Variants in KIR2DL1 observed in about 807,000 individuals in gnomAD.
The protein encoded by KIR2DL1 is killer cell immunoglobulin-like receptor 2DL1.
KIR2DL1 carries 38 observed loss-of-function variants against 33.9 expected under a neutral mutation model. The observed-to-expected ratio is 1.12, with a 90% CI of 0.86 to 1.47. The LOEUF is 1.47. Ranked by LOEUF, KIR2DL1 falls within the 40% of genes most tolerant of loss-of-function variation. The probability of loss-of-function intolerance (pLI) is 0.00; values close to 1 mark genes in which losing one functional copy is unlikely to be tolerated. For synonymous variants in KIR2DL1, 179 were observed against 165.9 expected, an observed-to-expected ratio of 1.08 and a Z score of -0.61; for missense variants, 531 against 433.9, an observed-to-expected ratio of 1.22 and a Z score of -1.99.
intron 4 of KIR2DL1, among the ~76,000 whole-genome samples, chr19:54,776,457 T>C (rs1294862687): frequency 1.4e-5 from 2 of 146,316 alleles, no homozygotes; most frequent in Non-Finnish European, 3.0e-5. Flanking sequence ...TGTGCGTATG[T>C]ACTACATTCT....
intron 1 of KIR2DL1, among the ~76,000 whole-genome samples, chr19:54,770,598 G>A (rs1255084530): frequency 7.1e-6 from 1 of 141,548 alleles, no homozygotes; most frequent in Non-Finnish European, 1.6e-5. Context: ...ATGGGCTTAG[G>A]GTGGAAATAT....
In KIR2DL1 at chr19:54,783,998, C is replaced by T. The variant is rs1301725914; in HGVS notation, c.*185C>T. On this transcript the variant is annotated 3_prime_UTR_variant, in exon 8 of 8. Coordinates refer to ENST00000336077, the MANE Select transcript of KIR2DL1 (RefSeq NM_014218.3). ...CTCTTGCTTACAAATGTCTAAGGTC[C>T]CCACTGCCTGCTGGAGAAAAAACAC... is the stretch of plus-strand genomic sequence containing the variant. 4 of 957,688 alleles carry T rather than the reference C, an allele frequency of 4.2e-6. No homozygotes were observed. Among genetic ancestry groups the T allele is most frequent in the African/African-American group, 1.6e-5 (1 of 61,772 alleles). 59.3% of individuals were successfully genotyped at this position (957,688 alleles called of 1,614,324 possible).
intron 2 of KIR2DL1, among the ~76,000 whole-genome samples, chr19:54,772,485 A>G (rs2075852497): frequency 6.9e-6 from 1 of 145,700 alleles, no homozygotes; most frequent in African/African-American, 2.5e-5. Flanking sequence ...GCTTCTGATA[A>G]TTTTCTACAG....
intron 5 of KIR2DL1, among the ~76,000 whole-genome samples, chr19:54,780,722 C>G (rs2076843883): frequency 2.1e-5 from 3 of 140,646 alleles, no homozygotes; most frequent in Non-Finnish European, 4.8e-5. Context: ...GAGGTAGAAT[C>G]ATTGACTGGA....
rs1307213707 is a variant in KIR2DL1 at position 54,783,029 on chromosome 19, T to G, written c.817+6T>G. ...CTGGTGCTCCAACAAAAAAAGTAAG[T>G]CTCACGAAGCAGAGGCCAGAGAGCT... On this transcript the variant is annotated splice_donor_region_variant and intron_variant, in intron 6 of 7. Coordinates refer to ENST00000336077, the MANE Select transcript of KIR2DL1 (RefSeq NM_014218.3). The G allele has an allele frequency of 3.1e-6, 5 of 1,612,572 alleles. No homozygotes were observed. The highest frequency in any genetic ancestry group is 1.3e-5 in the African/African-American group (1 of 74,812).
At position 54,779,409 on chromosome 19, in the gene KIR2DL1, C is replaced by G. The variant is rs2076716494; in HGVS notation, c.715+747C>G. ...TCTAAAGGCTCCCAGTTCCTTGGCT[C>G]CTGGTCCCCTTCCTCCTTCCTCAAA... On this transcript the variant is annotated intron_variant, in intron 5 of 7. Coordinates refer to ENST00000336077, the MANE Select transcript of KIR2DL1 (RefSeq NM_014218.3). Among the ~76,000 whole-genome samples, 3 of 147,606 alleles carry G rather than the reference C, an allele frequency of 2.0e-5. 1 individual carries two copies. The highest frequency in any genetic ancestry group is 4.5e-5 in the Non-Finnish European group (3 of 65,942).
chr19:54,776,261 T>C (rs1204068132), intron 4 of KIR2DL1, among the ~76,000 whole-genome samples: 1 of 147,416 alleles, frequency 6.8e-6, no homozygotes, highest in African/African-American at 2.5e-5. Context: ...ATATACATTT[T>C]TTTTACCCTC....
chr19:54,783,532 T>G lies in KIR2DL1; in HGVS notation c.864T>G (p.Asn288Lys). 1 of 1,613,430 alleles carries G rather than the reference T, an allele frequency of 6.2e-7. No homozygotes were observed. Among genetic ancestry groups the G allele is most frequent in the Non-Finnish European group, 8.5e-7 (1 of 1,179,732 alleles). The change falls in exon 7 of 8, where the codon AAT (asparagine) becomes AAG (lysine). Residue 288 changes from asparagine (N) to lysine (K), a missense_variant. Coordinates refer to ENST00000336077, the MANE Select transcript of KIR2DL1 (RefSeq NM_014218.3). ...DQESAGNRTA[N>K]SEDSDEQDPQ... ...AGTCTGCAGGAAACAGAACAGCGAA[T>G]AGCGAGGTAGGTACTCCTCGGCCCG...
intron 5 of KIR2DL1, among the ~76,000 whole-genome samples, chr19:54,782,569 G>C (rs2077115088): frequency 6.6e-6 from 1 of 151,938 alleles, no homozygotes; most frequent in Non-Finnish European, 1.5e-5. Context: ...CTAATAGAGG[G>C]GGAACTTGCT....
intron 1 of KIR2DL1, among the ~76,000 whole-genome samples, chr19:54,770,523 T>TTGGAGATATGGGCCCAGGG: frequency 7.9e-6 from 1 of 126,812 alleles, no homozygotes; most frequent in South Asian, 2.6e-4. Flanking sequence ...AGGGCCTGGA[T>TTGGAGATATGGGCCCAGGG]TGGAGATATG....
At chr19:54,773,267 A>C in intron 2 of KIR2DL1, 66 bp from the exon 3 acceptor site, 1 of 1,480,952 alleles carries the variant, frequency 6.8e-7, no homozygotes, top group Non-Finnish European at 9.2e-7. Flanking sequence ...AGCCTGACTC[A>C]ATCCAGGTGC....
rs768352895 is a variant in KIR2DL1 at position 54,775,405 on chromosome 19, A to G, written c.611A>G (p.Asp204Gly). Residue 204 changes from aspartate (D) to glycine (G), a missense_variant, in exon 4 of 8, where the codon GAC becomes GGC. By Grantham distance (94) the Asp-to-Gly change is moderately conservative (BLOSUM62 -1). Transcript: ENST00000336077. ...GTYRCFGSFH[D>G]SPYEWSKSSD... is the part of the protein sequence containing the mutation. ...TACAGATGCTTCGGCTCTTTCCATGACTCTCCATACGAGTGGTCAAAGTCA... is the reference window on the plus strand; with the variant it reads ...TACAGATGCTTCGGCTCTTTCCATGGCTCTCCATACGAGTGGTCAAAGTCA... The G allele has an allele frequency of 1.9e-6, 3 of 1,583,134 alleles. No individual in the cohort carries two copies. The highest frequency in any genetic ancestry group is 3.4e-5 in the Admixed American group (2 of 58,766).
At chr19:54,777,140 G>C (rs1415433319) in intron 4 of KIR2DL1, among the ~76,000 whole-genome samples, 4 of 123,282 alleles carry the variant, frequency 3.2e-5, no homozygotes, top group African/African-American at 1.2e-4. Flanking sequence ...ACCCAGGCTG[G>C]AGTGCAGTGG....
rs1292289559 is a variant in KIR2DL1, at chr19:54,783,548, C to G, written c.870+10C>G. 2 of 1,613,756 alleles carry G rather than the reference C, an allele frequency of 1.2e-6. No individual in the cohort carries two copies. The highest frequency in any genetic ancestry group is 1.7e-6 in the Non-Finnish European group (2 of 1,179,944). On this transcript the variant is annotated intron_variant, in intron 7 of 7. Transcript: ENST00000336077. ...AACAGCGAATAGCGAGGTAGGTACTCCTCGGCCCGGGCTCGTGGCTACTGT... is the reference window on the plus strand; with the variant it reads ...AACAGCGAATAGCGAGGTAGGTACTGCTCGGCCCGGGCTCGTGGCTACTGT...
At chr19:54,781,417 CT>C (rs2076923185) in intron 5 of KIR2DL1, among the ~76,000 whole-genome samples, 1 of 150,382 alleles carries the variant, frequency 6.6e-6, no homozygotes, top group South Asian at 2.1e-4. Flanking sequence ...AGAAAGTGCT[CT>C]GGTCATCACA....
chr19:54,782,020 A>C (rs542005640), intron 5 of KIR2DL1, among the ~76,000 whole-genome samples: 1 of 152,056 alleles, frequency 6.6e-6, no homozygotes, highest in Non-Finnish European at 1.5e-5. Context: ...CAGGTTCATT[A>C]CTAACAGATA....
intron 2 of KIR2DL1, 80 bp downstream of exon 2, chr19:54,770,964 G>A: frequency 6.5e-7 from 1 of 1,540,480 alleles, no homozygotes; most frequent in Non-Finnish European, 8.9e-7. Flanking sequence ...GTCCTGTCAG[G>A]GAGTCTCTCA....
chr19:54,770,537 C>G (rs1441585094), intron 1 of KIR2DL1, among the ~76,000 whole-genome samples: 2 of 138,856 alleles, frequency 1.4e-5, no homozygotes, highest in Non-Finnish European at 3.2e-5. Flanking sequence ...AGATATGGGC[C>G]CAGGGTGGAG....
rs1373567508 is a variant in KIR2DL1 at position 54,784,094 on chromosome 19, C to G, written c.*281C>G. ...CCACCTCTCCAACCTAACTGGCTTA[C>G]TTCCTAGTCTACTTGAGGCTGCAAT... On this transcript the variant is annotated 3_prime_UTR_variant, in exon 8 of 8. Transcript: ENST00000336077. 1.0e-5 allele frequency: 6 copies of G among 571,432 alleles called. No homozygotes were observed. The highest frequency in any genetic ancestry group is 1.9e-5 in the Non-Finnish European group (6 of 321,786). The allele number at this position is 571,432 out of a possible 1,614,324, so 35.4% of individuals were successfully genotyped here.
Sources: gnomAD v4.1 joint callset for allele counts (sites outside exome capture counted in the v4.1 genomes callset) on GRCh38, gnomAD v4.1.1 for gene constraint, MANE v1.5 for transcripts, NCBI Gene and HGNC (gene_info 2026-07-23, HGNC 2026-07-21) for gene names.